RBFOX1: variants seen among roughly 807,000 people sequenced by gnomAD.
RBFOX1 encodes the protein RNA binding fox-1 homolog 1.
A neutral mutation model predicts 57.7 loss-of-function variants in RBFOX1; 8 were observed. The ratio of observed to expected loss-of-function variants is 0.14; its 90% confidence interval spans 0.08 to 0.25. The LOEUF is 0.25. Among genes scored for constraint, RBFOX1 ranks in the 10% least tolerant of loss-of-function variants. RBFOX1 has a pLI of 1.00. For synonymous variants in RBFOX1, 326 were observed against 222.4 expected (o/e 1.47, Z -4.15); for missense variants, 611 against 548.5 (o/e 1.11, Z -1.14).
chr16:6,813,993 T>C (rs567869168), intron 3 of RBFOX1, among the ~76,000 whole-genome samples: 7 of 152,146 alleles, frequency 4.6e-5, no homozygotes, highest in African/African-American at 1.4e-4. Flanking sequence ...ACTGGCAATA[T>C]CTGAGGACCG....
chr16:7,250,321 G>C (rs2094459016), intron 4 of RBFOX1, among the ~76,000 whole-genome samples: 1 of 152,168 alleles, frequency 6.6e-6, no homozygotes. Flanking sequence ...AGCGTGGGAT[G>C]CTTATATTAA....
chr16:6,014,325 A>G (rs1263473307), upstream of RBFOX1, among the ~76,000 whole-genome samples: 1 of 152,106 alleles, frequency 6.6e-6, no homozygotes, highest in East Asian at 1.9e-4. Context: ...CAGGAGAGGA[A>G]AAGGAATGAG....
chr16:7,056,595 G>T (rs1330692246), intron 4 of RBFOX1, among the ~76,000 whole-genome samples: 1 of 152,104 alleles, frequency 6.6e-6, no homozygotes, highest in Non-Finnish European at 1.5e-5. Flanking sequence ...AATGATCCTG[G>T]GGGCCTGTTG....
intron 4 of RBFOX1, among the ~76,000 whole-genome samples, chr16:7,086,827 T>C (rs2060066477): frequency 6.6e-6 from 1 of 152,152 alleles, no homozygotes; most frequent in African/African-American, 2.4e-5. Context: ...GCAAGTCTTC[T>C]TGAAGCTTTC....
intron 1 of RBFOX1, among the ~76,000 whole-genome samples, chr16:6,205,214 A>G (rs1172804671): frequency 6.6e-6 from 1 of 152,132 alleles, no homozygotes; most frequent in Non-Finnish European, 1.5e-5. Flanking sequence ...TATATGGGAG[A>G]CTTGCTAGCT....
At chr16:6,207,863 A>C (rs1396270816) in intron 1 of RBFOX1, among the ~76,000 whole-genome samples, 1 of 152,062 alleles carries the variant, frequency 6.6e-6, no homozygotes, top group Non-Finnish European at 1.5e-5. Context: ...AATTAAAAAA[A>C]AATTTTTTTC....
At chr16:5,962,663 T>C (rs1440526972) in intron 4 of RBFOX1, among the ~76,000 whole-genome samples, 1 of 152,164 alleles carries the variant, frequency 6.6e-6, no homozygotes, top group African/African-American at 2.4e-5. Context: ...GAGAAATGGC[T>C]AACAGATCGT....
rs1028495554 is a variant in RBFOX1 at position 7,064,782 on chromosome 16, C to A, written c.27+12684C>A. Reference sequence around the variant, plus strand: ...AACAACCAACTAACCAACAAAAAGCCCCCCGAACTTGATAGTTCATCCTGA... The same window carrying A: ...AACAACCAACTAACCAACAAAAAGCACCCCGAACTTGATAGTTCATCCTGA... On this transcript the variant is annotated intron_variant, in intron 4 of 15. Transcript: ENST00000550418. Among the ~76,000 whole-genome samples the A allele has an allele frequency of 6.6e-5, 10 of 152,222 alleles. No homozygotes were observed. In the East Asian group the frequency reaches 1.9e-3, roughly 29 times the overall value.
At chr16:5,752,535 A>T (rs2053246850) in intron 3 of RBFOX1, among the ~76,000 whole-genome samples, 1 of 152,178 alleles carries the variant, frequency 6.6e-6, no homozygotes, top group South Asian at 2.1e-4. Context: ...TTACTGTGAT[A>T]CTGTGCTTTC....
Position 7,369,462 on chromosome 16 carries a change from C to G in RBFOX1, c.28-148685C>G, listed in dbSNP as rs186328177. Among the ~76,000 whole-genome samples, 4 of 152,164 alleles carry G rather than the reference C, an allele frequency of 2.6e-5. No individual in the cohort carries two copies. In the East Asian group the frequency reaches 7.7e-4, roughly 29 times the overall value. On this transcript the variant is annotated intron_variant, in intron 4 of 15. Coordinates refer to ENST00000550418, the MANE Select transcript of RBFOX1 (RefSeq NM_018723.4). Reference sequence around the variant, plus strand: ...TGGATGGATATGTTCACGCATGGAACCAAGATGAATAATAATGAGGTTTTT... The same window carrying G: ...TGGATGGATATGTTCACGCATGGAAGCAAGATGAATAATAATGAGGTTTTT...
intron 4 of RBFOX1, among the ~76,000 whole-genome samples, chr16:7,291,894 T>C (rs939803431): frequency 6.9e-6 from 1 of 145,792 alleles, no homozygotes; most frequent in Non-Finnish European, 1.5e-5. Context: ...ATATATAATG[T>C]ACTATATAAT....
At chr16:6,493,179 C>A (rs770305189) in intron 2 of RBFOX1, among the ~76,000 whole-genome samples, 1 of 152,046 alleles carries the variant, frequency 6.6e-6, no homozygotes, top group Non-Finnish European at 1.5e-5. Context: ...ACATAGGCAA[C>A]CTAAATTGCT....
At chr16:6,947,766 C>A (rs576451797) in intron 3 of RBFOX1, among the ~76,000 whole-genome samples, 1 of 152,236 alleles carries the variant, frequency 6.6e-6, no homozygotes, top group Admixed American at 6.5e-5. Flanking sequence ...CATCTGATTA[C>A]ATTTTCTCTT....
chr16:6,493,916 A>AGACGGAG, intron 2 of RBFOX1, among the ~76,000 whole-genome samples: 1 of 152,350 alleles, frequency 6.6e-6, no homozygotes, highest in Admixed American at 6.5e-5. Flanking sequence ...ATAGTTTCTT[A>AGACGGAG]ATACATCTAC....
chr16:7,005,957 A>G (rs955056918), intron 3 of RBFOX1, among the ~76,000 whole-genome samples: 1 of 152,162 alleles, frequency 6.6e-6, no homozygotes, highest in African/African-American at 2.4e-5. Context: ...CCAATTCTTT[A>G]ACCCCTACTC....
At chr16:6,258,930 T>A (rs1013485828) in intron 1 of RBFOX1, among the ~76,000 whole-genome samples, 1 of 152,228 alleles carries the variant, frequency 6.6e-6, no homozygotes, top group African/African-American at 2.4e-5. Flanking sequence ...TTTAAATGTT[T>A]ATAAAAATGA....
chr16:6,334,146 G>A (rs1266593294), intron 2 of RBFOX1, among the ~76,000 whole-genome samples: 2 of 152,072 alleles, frequency 1.3e-5, no homozygotes, highest in Admixed American at 6.6e-5. Flanking sequence ...GAGAGATGCC[G>A]GCTAGTGGTA....
At chr16:7,312,672 T>C (rs1253874374) in intron 4 of RBFOX1, among the ~76,000 whole-genome samples, 1 of 152,156 alleles carries the variant, frequency 6.6e-6, no homozygotes, top group Non-Finnish European at 1.5e-5. Context: ...TAATGCTCAG[T>C]GTCAGGAGGA....
chr16:6,933,224 T>C lies in RBFOX1; in HGVS notation c.-15-118833T>C. Among the ~76,000 whole-genome samples the C allele has an allele frequency of 1.3e-5, 2 of 152,176 alleles. 1 individual carries two copies. Among genetic ancestry groups the C allele is most frequent in the East Asian group, 3.9e-4 (2 of 5,192 alleles). ...CGGGAGTGTACAATACCTTTCAGAGTCCCTGCTTTCAGTTGTCTTGGGTGT... is the reference window on the plus strand; with the variant it reads ...CGGGAGTGTACAATACCTTTCAGAGCCCCTGCTTTCAGTTGTCTTGGGTGT... On this transcript the variant is annotated intron_variant, in intron 3 of 15. Transcript: ENST00000550418.
Sources: gnomAD v4.1 joint callset for allele counts (sites outside exome capture counted in the v4.1 genomes callset) on GRCh38, gnomAD v4.1.1 for gene constraint, MANE v1.5 for transcripts, NCBI Gene and HGNC (gene_info 2026-07-23, HGNC 2026-07-21) for gene names.